Variants in DISP1 observed in about 807,000 individuals in gnomAD.
DISP1 encodes dispatched RND transporter family member 1, also known as protein dispatched homolog 1.
A neutral mutation model predicts 37.3 loss-of-function variants in DISP1; 30 were observed. The ratio of observed to expected loss-of-function variants is 0.80; its 90% CI spans 0.60 to 1.09. DISP1 has a LOEUF of 1.09. DISP1 is among the 50% of genes least tolerant of loss of function. DISP1 has a pLI of 0.00. For synonymous variants in DISP1, 634 were observed against 690.2 expected (o/e 0.92, Z 1.28); for missense variants, 1,598 against 1,879.5 (o/e 0.85, Z 2.77).
At chr1:222,819,166 C>G (rs1313155040) in intron 1 of DISP1, among the ~76,000 whole-genome samples, 2 of 152,192 alleles carry the variant, frequency 1.3e-5, no homozygotes, top group Non-Finnish European at 2.9e-5. Context: ...CGTCGTTTCT[C>G]CTGCTCCAGC....
chr1:222,817,035 T>C (rs1159347782), intron 1 of DISP1, among the ~76,000 whole-genome samples: 1 of 152,262 alleles, frequency 6.6e-6, no homozygotes, highest in Non-Finnish European at 1.5e-5. Flanking sequence ...ACAAGAGCAC[T>C]TGCCCTCTTG....
At chr1:222,834,954 A>T (rs1407669096) in intron 1 of DISP1, among the ~76,000 whole-genome samples, 1 of 152,212 alleles carries the variant, frequency 6.6e-6, no homozygotes, top group Non-Finnish European at 1.5e-5. Flanking sequence ...CATTCAGTTA[A>T]TGGTGGGTAT....
chr1:222,969,181 G>A (rs921716991), intron 3 of DISP1, among the ~76,000 whole-genome samples: 6 of 151,526 alleles, frequency 4.0e-5, no homozygotes, highest in Non-Finnish European at 8.8e-5. Flanking sequence ...GACCAGCCTG[G>A]CCAACACAGT....
chr1:222,920,122 A>G (rs1269351467), intron 1 of DISP1, among the ~76,000 whole-genome samples: 1 of 152,180 alleles, frequency 6.6e-6, no homozygotes, highest in Non-Finnish European at 1.5e-5. Flanking sequence ...TTGATGTCTT[A>G]CAGAAAATTT....
At chr1:222,951,984 G>A (rs1256722072) in intron 3 of DISP1, among the ~76,000 whole-genome samples, 1 of 152,170 alleles carries the variant, frequency 6.6e-6, no homozygotes, top group East Asian at 1.9e-4. Flanking sequence ...AGTTTTAATA[G>A]TAAAAGAGAA....
chr1:222,896,756 C>G (rs774395105), intron 1 of DISP1, among the ~76,000 whole-genome samples: 3 of 151,968 alleles, frequency 2.0e-5, no homozygotes, highest in Non-Finnish European at 4.4e-5. Flanking sequence ...TTTGAAAAGA[C>G]ACACAAAGAA....
intron 1 of DISP1, among the ~76,000 whole-genome samples, chr1:222,859,977 A>G (rs1414079040): frequency 6.6e-6 from 1 of 152,274 alleles, no homozygotes; most frequent in Admixed American, 6.5e-5. Context: ...AGAAAAACTA[A>G]GCAAATTTTT....
chr1:222,983,032 A>C, intron 3 of DISP1, 48 bp from the exon 4 acceptor site: 1 of 1,427,932 alleles, frequency 7.0e-7, no homozygotes, highest in Non-Finnish European at 9.7e-7. Flanking sequence ...TATGATGTTT[A>C]TGATGCTCTG....
chr1:222,895,875 T>A (rs1477870325), intron 1 of DISP1, among the ~76,000 whole-genome samples: 1 of 152,194 alleles, frequency 6.6e-6, no homozygotes, highest in Non-Finnish European at 1.5e-5. Context: ...ACATAGAGAA[T>A]CTTTGTGACC....
intron 1 of DISP1, among the ~76,000 whole-genome samples, chr1:222,885,432 AC>A (rs1232961266): frequency 6.9e-6 from 1 of 144,140 alleles, no homozygotes; most frequent in Non-Finnish European, 1.5e-5. Context: ...TTTTCCCAGC[AC>A]CCACCCTAGA....
intron 3 of DISP1, among the ~76,000 whole-genome samples, chr1:222,971,121 G>T (rs1379695402): frequency 6.6e-6 from 1 of 151,784 alleles, no homozygotes; most frequent in Non-Finnish European, 1.5e-5. Context: ...TTAGAGTTTT[G>T]CTTTGATCCT....
At chr1:222,862,682 G>GC (rs987932556) in intron 1 of DISP1, among the ~76,000 whole-genome samples, 1 of 151,880 alleles carries the variant, frequency 6.6e-6, no homozygotes, top group Admixed American at 6.6e-5. Flanking sequence ...ACAAGTATGT[G>GC]CCACCACGCT....
At chr1:222,881,177 A>G (rs1305577234) in intron 1 of DISP1, among the ~76,000 whole-genome samples, 2 of 152,038 alleles carry the variant, frequency 1.3e-5, no homozygotes, top group Non-Finnish European at 2.9e-5. Flanking sequence ...ACTTGTCAAT[A>G]TCTTTTAGAA....
chr1:222,817,504 A>G (rs535675300), intron 1 of DISP1, among the ~76,000 whole-genome samples: 14 of 152,298 alleles, frequency 9.2e-5, no homozygotes, highest in African/African-American at 3.4e-4. Flanking sequence ...CTAGTTAGAA[A>G]GCCATTTCCT....
intron 1 of DISP1, among the ~76,000 whole-genome samples, chr1:222,846,423 A>G (rs778286418): frequency 7.2e-5 from 11 of 152,228 alleles, no homozygotes; most frequent in African/African-American, 9.6e-5. Context: ...CCCGGGAGGC[A>G]GAGGTTGTGG....
At chr1:222,883,616 A>C (rs182637579) in intron 1 of DISP1, among the ~76,000 whole-genome samples, 267 of 152,302 alleles carry the variant, frequency 1.8e-3, no homozygotes, top group African/African-American at 6.1e-3. Flanking sequence ...ACTCTGTCTC[A>C]AAATAAATAA....
intron 1 of DISP1, among the ~76,000 whole-genome samples, chr1:222,911,048 T>C (rs920919654): frequency 6.6e-6 from 1 of 152,234 alleles, no homozygotes; most frequent in Non-Finnish European, 1.5e-5. Flanking sequence ...GAGCAACATA[T>C]GTATCTTTAA....
rs117216427 is a variant in DISP1 at position 222,918,475 on chromosome 1, A to C, written c.-158-9955A>C. On this transcript the variant is annotated intron_variant, in intron 1 of 8. Coordinates refer to ENST00000675850, the MANE Select transcript of DISP1 (RefSeq NM_001377229.1). ...AGATCTTTGGGTTTTTGAACTGGGA[A>C]AATATATTGCTCAACTGTTGCTTAT... 4.1e-3 allele frequency among the ~76,000 whole-genome samples: 621 copies of C among 152,320 alleles called. 12 individuals are homozygous for C. Among genetic ancestry groups the C allele is most frequent in the South Asian group, 0.017 (81 of 4,822 alleles).
At chr1:222,902,137 T>A (rs1461383051) in intron 1 of DISP1, among the ~76,000 whole-genome samples, 3 of 152,194 alleles carry the variant, frequency 2.0e-5, no homozygotes, top group African/African-American at 7.2e-5. Context: ...TTTGAAGGGT[T>A]TTTTGTGTCT....
Sources: allele counts gnomAD v4.1 joint callset (sites outside exome capture counted in the v4.1 genomes callset), GRCh38; gene constraint gnomAD v4.1.1; transcripts MANE v1.5; gene names NCBI Gene and HGNC (gene_info 2026-07-23, HGNC 2026-07-21).